Variants in DCAF11 observed in about 807,000 individuals in gnomAD.
DCAF11 encodes DDB1- and CUL4-associated factor 11.
Under a neutral mutation model 76.1 loss-of-function variants are expected in DCAF11, and 44 were observed. That is an observed-to-expected ratio of 0.58 (90% CI 0.45 to 0.74). The LOEUF is 0.74. Among genes scored for constraint, DCAF11 ranks in the 30% least tolerant of loss-of-function variants. DCAF11 has a pLI of 0.00. For synonymous variants in DCAF11, 258 were observed against 255.0 expected, an observed-to-expected ratio of 1.01 and a Z score of -0.11; for missense variants, 604 against 709.4, an observed-to-expected ratio of 0.85 and a Z score of 1.69.
rs888985023 is a variant in DCAF11, at chr14:24,115,619, G to T, written c.25G>T (p.Ala9Ser). 13 of 1,613,648 alleles carry T rather than the reference G, an allele frequency of 8.1e-6. No individual in the cohort carries two copies. In the African/African-American group the frequency reaches 1.2e-4, roughly 15 times the overall value. Residue 9 changes from alanine to serine, a missense_variant, in exon 2 of 15, where the codon GCA (alanine) becomes TCA (serine). By Grantham distance (99) the Ala-to-Ser change is moderately conservative (BLOSUM62 1). Transcript: ENST00000446197. MGSRNSSS[A>S]GSGSGDPSEG... ...GATGGGATCGCGGAACAGCAGCAGT[G>T]CAGGATCCGGGTCCGGAGACCCCTC...
In DCAF11 at chr14:24,122,444, C is replaced by T. The variant is rs113086867; in HGVS notation, c.1400-527C>T. On this transcript the variant is annotated intron_variant, in intron 13 of 14. Transcript: ENST00000446197. ...GGCAGAGGTTGCAGTGAGCCAAGAT[C>T]GCGCCACGGCACTCTAGCCTGGGCA... 1.2e-3 allele frequency among the ~76,000 whole-genome samples: 181 copies of T among 149,022 alleles called. 2 individuals are homozygous for T. The highest frequency in any genetic ancestry group is 8.5e-4 in the South Asian group (4 of 4,706).
Position 24,115,019 on chromosome 14 carries a change from A to T in DCAF11, c.-488A>T. 3.0e-6 allele frequency: 3 copies of T among 985,950 alleles called. No individual in the cohort carries two copies. In the South Asian group the frequency reaches 1.4e-4, roughly 46 times the overall value. 61.1% of individuals were successfully genotyped at this position (985,950 alleles called of 1,614,324 possible). On this transcript the variant is annotated 5_prime_UTR_variant, in exon 1 of 15. Transcript: ENST00000446197. ...ATGGCGTACACACCCCCGGCGCACCACGTGGGCGTGAGGCGAGGAAGGAGG... is the reference window on the plus strand; with the variant it reads ...ATGGCGTACACACCCCCGGCGCACCTCGTGGGCGTGAGGCGAGGAAGGAGG...
chr14:24,121,437 T>G lies in DCAF11; in HGVS notation c.1319T>G (p.Leu440Arg). 1 of 1,614,206 alleles carries G rather than the reference T, an allele frequency of 6.2e-7. No homozygotes were observed. Among genetic ancestry groups the G allele is most frequent in the Non-Finnish European group, 8.5e-7 (1 of 1,180,042 alleles). ...CGGGGCCACGGAGTGCTGCACACCC[T>G]CATCCGCTGCCGGTTCTCCCCCATT... is the stretch of plus-strand genomic sequence containing the variant. The part of the protein sequence containing the change: ...TYRGHGVLHT[L>R]IRCRFSPIHS... The change falls in exon 13 of 15, where the codon CTC becomes CGC. Residue 440 changes from leucine to arginine, a missense_variant. Transcript: ENST00000446197.
rs201038060 is a variant in DCAF11 at position 24,120,947 on chromosome 14, C to T, written c.1202C>T (p.Thr401Ile). The change falls in exon 12 of 15, where the codon ACA becomes ATA. Residue 401 changes from threonine (T) to isoleucine (I), a missense_variant. Thr to Ile is a moderately conservative substitution (Grantham distance 89). Coordinates refer to ENST00000446197, the MANE Select transcript of DCAF11 (RefSeq NM_025230.5). Reference sequence around the variant, plus strand: ...ATGGAAGCTTCACGCCAGGCTGCCACACAGCAAAACTGGGACTATCGGTGG... The same window carrying T: ...ATGGAAGCTTCACGCCAGGCTGCCATACAGCAAAACTGGGACTATCGGTGG... ...EGMEASRQAATQQNWDYRWQQ... is the reference protein window; with the variant it reads ...EGMEASRQAAIQQNWDYRWQQ... 216 of 1,614,096 alleles carry T rather than the reference C, an allele frequency of 1.3e-4. No homozygotes were observed. Among genetic ancestry groups the T allele is most frequent in the Non-Finnish European group, 1.8e-4 (208 of 1,180,040 alleles).
chr14:24,120,556 C>A (rs1392281923), intron 11 of DCAF11, among the ~76,000 whole-genome samples: 2 of 149,862 alleles, frequency 1.3e-5, no homozygotes, highest in East Asian at 3.9e-4. Flanking sequence ...GACTCCATCT[C>A]AAAAAAAAAT....
Position 24,120,818 on chromosome 14 carries a change from A to C in DCAF11, c.1093-20A>C, listed in dbSNP as rs577894366. 1.9e-6 allele frequency: 3 copies of C among 1,613,068 alleles called. No homozygotes were observed. Among genetic ancestry groups the C allele is most frequent in the Non-Finnish European group, 1.7e-6 (2 of 1,179,252 alleles). ...CATTTGCAAGCTCTGATGCTTCACTATCCACCTTTGGATTCATAGGGTGAT... is the reference window on the plus strand; with the variant it reads ...CATTTGCAAGCTCTGATGCTTCACTCTCCACCTTTGGATTCATAGGGTGAT... On this transcript the variant is annotated intron_variant, in intron 11 of 14. Coordinates refer to ENST00000446197, the MANE Select transcript of DCAF11 (RefSeq NM_025230.5).
rs1340788511 is a variant in DCAF11, at chr14:24,121,008, A to T, written c.1246+17A>T. On this transcript the variant is annotated intron_variant, in intron 12 of 14. Transcript: ENST00000446197. ...CCAAAAAAGGTGAGACTGGAAGTAC[A>T]GGCACAGTGGATTTGTCTGTAGCCT... The T allele has an allele frequency of 1.2e-6, 2 of 1,613,744 alleles. No individual in the cohort carries two copies. The highest frequency in any genetic ancestry group is 1.7e-6 in the Non-Finnish European group (2 of 1,179,802).
rs751876092 is a variant in DCAF11, at chr14:24,123,130, G to A, written c.1507-45G>A. On this transcript the variant is annotated intron_variant, in intron 14 of 14. Transcript: ENST00000446197. ...GCACATGTCTGGGGCTTGGACTTGGGTGGGGGCAGCACATCCTGACTGCTT... is the reference window on the plus strand; with the variant it reads ...GCACATGTCTGGGGCTTGGACTTGGATGGGGGCAGCACATCCTGACTGCTT... 3.7e-6 allele frequency: 6 copies of A among 1,614,134 alleles called. No homozygotes were observed. The South Asian group carries it at 5.5e-5, about 15-fold the overall frequency.
In DCAF11 at chr14:24,117,708, G is replaced by C; in HGVS notation, c.452G>C (p.Gly151Ala). Residue 151 changes from glycine (G) to alanine (A), a missense_variant, in exon 5 of 15, where the codon GGA (glycine) becomes GCA (alanine). Gly to Ala is a moderately conservative substitution (Grantham distance 60). Coordinates refer to ENST00000446197, the MANE Select transcript of DCAF11 (RefSeq NM_025230.5). This position sits in a 1 kb window ranked among gnomAD's most constrained non-coding sequence, Gnocchi z 4.3. ...TGCCATCGGGGAAGCTTCTCCCTTG[G>C]AGAACAGTCTCGAGTGATATCTCAG... is the stretch of plus-strand genomic sequence containing the variant. Reference protein sequence around the residue: ...GLCHRGSFSLGEQSRVISHFL... With the variant: ...GLCHRGSFSLAEQSRVISHFL... The C allele has an allele frequency of 6.2e-7, 1 of 1,614,128 alleles. No homozygotes were observed. Among genetic ancestry groups the C allele is most frequent in the African/African-American group, 1.3e-5 (1 of 75,042 alleles).
chr14:24,119,844 C>T lies in DCAF11; in HGVS notation c.1040C>T (p.Pro347Leu). Residue 347 changes from proline to leucine, a missense_variant, in exon 11 of 15, where the codon CCT (proline) becomes CTT (leucine). Pro to Leu is a moderately conservative substitution (Grantham distance 98, BLOSUM62 -3). Transcript: ENST00000446197. ...RRTMREDDPK[P>L]VGALAGHQDG... Reference sequence around the variant, plus strand: ...ACCATGCGGGAGGATGACCCCAAGCCTGTGGGTGCACTGGCTGGACACCAG... The same window carrying T: ...ACCATGCGGGAGGATGACCCCAAGCTTGTGGGTGCACTGGCTGGACACCAG... 1 of 1,614,120 alleles carries T rather than the reference C, an allele frequency of 6.2e-7. No homozygotes were observed. The highest frequency in any genetic ancestry group is 2.2e-5 in the East Asian group (1 of 44,882).
At position 24,118,402 on chromosome 14, in the gene DCAF11, C is replaced by G; in HGVS notation, c.592C>G (p.Leu198Val). ...TACTTACACAGACCAGACAATCCGACTCTATGACTGCCGATATGGCCGTTT... is the reference window on the plus strand; with the variant it reads ...TACTTACACAGACCAGACAATCCGAGTCTATGACTGCCGATATGGCCGTTT... ...MSACQDQTIR[L>V]YDCRYGRFRK... Residue 198 changes from leucine to valine, a missense_variant, in exon 7 of 15, where the codon CTC becomes GTC. Coordinates refer to ENST00000446197, the MANE Select transcript of DCAF11 (RefSeq NM_025230.5). 1 of 1,614,214 alleles carries G rather than the reference C, an allele frequency of 6.2e-7. No homozygotes were observed. Among genetic ancestry groups the G allele is most frequent in the Non-Finnish European group, 8.5e-7 (1 of 1,180,030 alleles).
In DCAF11 at chr14:24,121,726, A is replaced by G. The variant is rs536538853; in HGVS notation, c.1399+209A>G. The G allele has an allele frequency of 1.4e-5, 8 of 581,980 alleles. 1 individual carries two copies. In the South Asian group the frequency reaches 2.3e-4, roughly 16 times the overall value. 36.1% of individuals were successfully genotyped at this position (581,980 alleles called of 1,614,324 possible). On this transcript the variant is annotated intron_variant, in intron 13 of 14. Coordinates refer to ENST00000446197, the MANE Select transcript of DCAF11 (RefSeq NM_025230.5). ...AAAGGAACATAGAATTCTAGACAGT[A>G]AATATAATAGATTGCCAAAAATATA...
intron 9 of DCAF11, 81 bp downstream of exon 9, chr14:24,119,294 C>G: frequency 6.5e-7 from 1 of 1,549,738 alleles, no homozygotes; most frequent in South Asian, 1.1e-5. Context: ...ACACAGATGG[C>G]ACTGGCAGCT....
At chr14:24,119,423 T>C in intron 9 of DCAF11, 136 bp from the exon 10 acceptor site, 1 of 1,258,124 alleles carries the variant, frequency 7.9e-7, no homozygotes, top group Non-Finnish European at 1.1e-6. Context: ...CAGCTAACTC[T>C]TCCCCCACTT....
In DCAF11 at chr14:24,119,577, G is replaced by C. The variant is rs139297459; in HGVS notation, c.867G>C (p.Leu289=). ...CTTTCAGGGCCAATGATGGCTGCCT[G>C]TATGTCTTTGACCGAGAACAGAACC... ...EVLGGANDGC[L]YVFDREQNRR... Residue 289 remains leucine (L), a synonymous_variant, in exon 10 of 15, where the codon CTG becomes CTC. Coordinates refer to ENST00000446197, the MANE Select transcript of DCAF11 (RefSeq NM_025230.5). 2.9e-4 allele frequency: 461 copies of C among 1,614,212 alleles called. No individual in the cohort carries two copies. Among genetic ancestry groups the C allele is most frequent in the South Asian group, 4.7e-4 (43 of 91,082 alleles).
intron 12 of DCAF11, 35 bp downstream of exon 12, chr14:24,121,026 TGTAG>T: frequency 6.2e-7 from 1 of 1,610,496 alleles, no homozygotes; most frequent in Non-Finnish European, 8.5e-7. Context: ...TGGATTTGTC[TGTAG>T]CCTGGGAGCC....
In DCAF11 at chr14:24,119,813, C is replaced by T. The variant is rs761069212; in HGVS notation, c.1009C>T (p.Arg337Ter). 3.1e-6 allele frequency: 5 copies of T among 1,614,160 alleles called. No homozygotes were observed. The South Asian group carries it at 4.4e-5, about 14-fold the overall frequency. ...TGATGCCATCTGCAAAGTGTGGGATCGACGCACCATGCGGGAGGATGACCC... is the reference window on the plus strand; with the variant it reads ...TGATGCCATCTGCAAAGTGTGGGATTGACGCACCATGCGGGAGGATGACCC... Reference protein sequence around the residue: ...GDDAICKVWDRRTMREDDPKP... With the variant: ...GDDAICKVWD The change falls in exon 11 of 15, where the codon CGA becomes TGA. Residue 337 changes from arginine (R) to a stop codon, truncating the protein, a stop_gained. Transcript: ENST00000446197. LOFTEE classifies it high-confidence loss of function.
chr14:24,116,820 A>C, intron 2 of DCAF11, 97 bp from the exon 3 acceptor site: 1 of 1,553,230 alleles, frequency 6.4e-7, no homozygotes, highest in Non-Finnish European at 8.8e-7. Context: ...CCTCAAAATG[A>C]GTACCAAGTG....
At chr14:24,118,347 G>A in intron 6 of DCAF11, 41 bp from the exon 7 acceptor site, 1 of 1,611,012 alleles carries the variant, frequency 6.2e-7, no homozygotes, top group Non-Finnish European at 8.5e-7. Context: ...AAAGTTACAA[G>A]GAAACTGTCC....
Sources: allele counts gnomAD v4.1 joint callset (sites outside exome capture counted in the v4.1 genomes callset), GRCh38; gene constraint gnomAD v4.1.1; non-coding constraint Gnocchi (gnomAD v3.1); transcripts MANE v1.5; gene names NCBI Gene and HGNC (gene_info 2026-07-23, HGNC 2026-07-21).